TMCC1: variants seen among roughly 807,000 people sequenced by gnomAD.
The protein encoded by TMCC1 is transmembrane and coiled-coil domains protein 1.
In TMCC1, 15 loss-of-function variants were observed where a neutral mutation model predicts 52.4. That is an observed-to-expected ratio of 0.29 (90% CI 0.19 to 0.44). The LOEUF (loss-of-function observed/expected upper bound fraction) is 0.44. Among genes scored for constraint, TMCC1 ranks in the 20% least tolerant of loss-of-function variants. The probability of loss-of-function intolerance (pLI) is 1.00; values close to 1 mark genes in which losing one functional copy is unlikely to be tolerated. For synonymous variants in TMCC1, 279 were observed against 301.9 expected, an observed-to-expected ratio of 0.92 and a Z score of 0.79; for missense variants, 503 against 806.0, an observed-to-expected ratio of 0.62 and a Z score of 4.55.
chr3:129,701,287 A>G (rs1406646387), intron 4 of TMCC1, among the ~76,000 whole-genome samples: 2 of 152,258 alleles, frequency 1.3e-5, no homozygotes, highest in East Asian at 3.8e-4. Context: ...TAAGAATAAA[A>G]TGTGGCAAAT....
intron 1 of TMCC1, among the ~76,000 whole-genome samples, chr3:129,883,603 G>C (rs937414766): frequency 6.6e-6 from 1 of 152,242 alleles, no homozygotes; most frequent in African/African-American, 2.4e-5. Context: ...GACAGAGCGA[G>C]ACGCTGTCTC....
intron 4 of TMCC1, among the ~76,000 whole-genome samples, chr3:129,715,834 T>C (rs1015189408): frequency 6.6e-6 from 1 of 152,228 alleles, no homozygotes; most frequent in Non-Finnish European, 1.5e-5. Context: ...CACTGTTTCA[T>C]TCTTATTATA....
intron 4 of TMCC1, among the ~76,000 whole-genome samples, chr3:129,686,169 G>A (rs1181432454): frequency 6.6e-6 from 1 of 152,098 alleles, no homozygotes; most frequent in Non-Finnish European, 1.5e-5. Context: ...AATTCTTTTA[G>A]TAGCTTCCTA....
At chr3:129,679,696 G>A (rs2088805427) in intron 4 of TMCC1, among the ~76,000 whole-genome samples, 1 of 152,018 alleles carries the variant, frequency 6.6e-6, no homozygotes, top group African/African-American at 2.4e-5. Context: ...TTTACCTTTT[G>A]ACATGTATTT....
intron 4 of TMCC1, among the ~76,000 whole-genome samples, chr3:129,673,208 G>C (rs2088113398): frequency 6.6e-6 from 1 of 152,022 alleles, no homozygotes; most frequent in African/African-American, 2.4e-5. Context: ...AACAAGCAGT[G>C]GAATGGACAG....
At chr3:129,746,616 C>A (rs898898279) in intron 4 of TMCC1, among the ~76,000 whole-genome samples, 14 of 152,058 alleles carry the variant, frequency 9.2e-5, no homozygotes, top group African/African-American at 3.4e-4. Context: ...AGGTGTTTTC[C>A]CCTAAAGGTA....
At chr3:129,707,228 A>G (rs1334026334) in intron 4 of TMCC1, among the ~76,000 whole-genome samples, 2 of 152,206 alleles carry the variant, frequency 1.3e-5, no homozygotes, top group Non-Finnish European at 2.9e-5. Context: ...GGCTCAATAA[A>G]TATCTGTTGG....
chr3:129,859,121 A>C (rs1396736013), intron 2 of TMCC1, among the ~76,000 whole-genome samples: 1 of 152,214 alleles, frequency 6.6e-6, no homozygotes, highest in African/African-American at 2.4e-5. Flanking sequence ...AATTTCCTTC[A>C]TTTTGACATA....
At chr3:129,784,393 C>T (rs749835008) in intron 4 of TMCC1, among the ~76,000 whole-genome samples, 30 of 150,888 alleles carry the variant, frequency 2.0e-4, no homozygotes, top group Admixed American at 6.0e-4. Context: ...AGTGAAACCC[C>T]GTCTCTACTA....
At chr3:129,788,978 A>G (rs534052426) in intron 4 of TMCC1, among the ~76,000 whole-genome samples, 1 of 152,350 alleles carries the variant, frequency 6.6e-6, no homozygotes, top group Non-Finnish European at 1.5e-5. Context: ...AAGATATTAC[A>G]TTTAACTGTT....
intron 4 of TMCC1, among the ~76,000 whole-genome samples, chr3:129,707,306 T>A (rs1026968528): frequency 3.9e-5 from 6 of 152,186 alleles, no homozygotes; most frequent in Non-Finnish European, 8.8e-5. Flanking sequence ...AGTGGAGATA[T>A]ATTTAAAAAA....
At chr3:129,671,463 A>G (rs911516793) in intron 4 of TMCC1, among the ~76,000 whole-genome samples, 199 bp from the exon 5 acceptor site, 6 of 152,196 alleles carry the variant, frequency 3.9e-5, no homozygotes, top group Non-Finnish European at 8.8e-5. Flanking sequence ...CAAAACAGAT[A>G]TATGAAAAAA....
chr3:129,734,054 G>C (rs2050747169), intron 4 of TMCC1, among the ~76,000 whole-genome samples: 1 of 151,980 alleles, frequency 6.6e-6, no homozygotes. Flanking sequence ...CCATTCCTAG[G>C]AATTACTAGA....
At chr3:129,730,323 TTTTG>T (rs2050441946) in intron 4 of TMCC1, among the ~76,000 whole-genome samples, 1 of 152,190 alleles carries the variant, frequency 6.6e-6, no homozygotes, top group Non-Finnish European at 1.5e-5. Flanking sequence ...TTATGATTTA[TTTTG>T]TGTTAATTTT....
chr3:129,796,637 A>G (rs1345516904), intron 4 of TMCC1, among the ~76,000 whole-genome samples: 1 of 152,068 alleles, frequency 6.6e-6, no homozygotes, highest in East Asian at 1.9e-4. Context: ...CTAGGCAACA[A>G]AGCTAGACCC....
intron 2 of TMCC1, among the ~76,000 whole-genome samples, chr3:129,877,624 CTTTTTTTTTTT>C (rs760525326): frequency 7.9e-6 from 1 of 126,930 alleles, no homozygotes; most frequent in African/African-American, 3.1e-5. Flanking sequence ...ATCCCTAAGT[CTTTTTTTTTTT>C]TTTTTTTTTG....
intron 4 of TMCC1, among the ~76,000 whole-genome samples, chr3:129,700,040 T>C (rs2047703046): frequency 1.3e-5 from 2 of 152,186 alleles, no homozygotes; most frequent in South Asian, 2.1e-4. Context: ...TTACTTAATA[T>C]ACCCTTAAGA....
chr3:129,683,864 G>A (rs981356393), intron 4 of TMCC1, among the ~76,000 whole-genome samples: 1 of 152,130 alleles, frequency 6.6e-6, no homozygotes, highest in Non-Finnish European at 1.5e-5. Flanking sequence ...AATCTCAACA[G>A]ATCAAGTTTC....
chr3:129,796,645 C>A (rs2056848464), intron 4 of TMCC1, among the ~76,000 whole-genome samples: 1 of 152,090 alleles, frequency 6.6e-6, no homozygotes, highest in Non-Finnish European at 1.5e-5. Flanking sequence ...CAAAGCTAGA[C>A]CCTGTCTCTA....
Sources: gnomAD v4.1 joint callset for allele counts (sites outside exome capture counted in the v4.1 genomes callset) on GRCh38, gnomAD v4.1.1 for gene constraint, MANE v1.5 for transcripts, NCBI Gene and HGNC (gene_info 2026-07-23, HGNC 2026-07-21) for gene names.